The following OR6B1 variants were observed in gnomAD, a reference collection of about 807,000 sequenced individuals.
OR6B1 encodes the protein olfactory receptor family 6 subfamily B member 1.
OR6B1 carries 15 observed loss-of-function variants against 15.4 expected under a neutral mutation model. The ratio of observed to expected loss-of-function variants is 0.97; its 90% CI spans 0.65 to 1.50. The LOEUF (loss-of-function observed/expected upper bound fraction) is 1.50. Ranked by LOEUF, OR6B1 falls within the 40% of genes most tolerant of loss-of-function variation. The pLI, the probability that OR6B1 is intolerant of heterozygous loss-of-function variation, is 0.00. For missense variants in OR6B1, 384 were observed against 385.0 expected (o/e 1.00, Z 0.02); for synonymous variants, 139 against 144.9 (o/e 0.96, Z 0.29).
chr7:144,001,426 C>A (rs571790262), intron 1 of OR6B1, among the ~76,000 whole-genome samples: 12 of 152,234 alleles, frequency 7.9e-5, no homozygotes, highest in South Asian at 2.1e-4. Context: ...GTTTCTTTGA[C>A]AAATGTTATA....
Position 144,004,531 on chromosome 7 carries a change from T to A in OR6B1, c.535T>A (p.Cys179Ser). ...TCCCAATGTCATCAACCACTTCTTCTGTGACATCTCTCCAGTACTTAATCT... is the reference window on the plus strand; with the variant it reads ...TCCCAATGTCATCAACCACTTCTTCAGTGACATCTCTCCAGTACTTAATCT... Reference protein sequence around the residue: ...CGPNVINHFFCDISPVLNLSC... With the variant: ...CGPNVINHFFSDISPVLNLSC... Residue 179 changes from cysteine to serine, a missense_variant, in exon 2 of 2, where the codon TGT becomes AGT. Physicochemically the swap from Cys to Ser is moderately radical, Grantham distance 112. Coordinates refer to ENST00000641698, the MANE Select transcript of OR6B1 (RefSeq NM_001005281.3). The A allele has an allele frequency of 6.2e-7, 1 of 1,614,224 alleles. No homozygotes were observed. The highest frequency in any genetic ancestry group is 8.5e-7 in the Non-Finnish European group (1 of 1,180,036).
chr7:144,004,975 G>C lies in OR6B1; in HGVS notation c.*43G>C, dbSNP rs373649686. ...GAAAGAAAGGTCTGAGTGGGTGCCTGTATGTCTTCCTCCATCCTTTCTCCT... is the reference window on the plus strand; with the variant it reads ...GAAAGAAAGGTCTGAGTGGGTGCCTCTATGTCTTCCTCCATCCTTTCTCCT... On this transcript the variant is annotated 3_prime_UTR_variant, in exon 2 of 2. Transcript: ENST00000641698. 2.9e-4 allele frequency: 398 copies of C among 1,393,892 alleles called. No individual in the cohort carries two copies. Among genetic ancestry groups the C allele is most frequent in the Non-Finnish European group, 3.5e-4 (358 of 1,027,078 alleles). 86.3% of individuals were successfully genotyped at this position (1,393,892 alleles called of 1,614,324 possible).
intron 1 of OR6B1, among the ~76,000 whole-genome samples, chr7:144,001,708 ATC>A (rs770544405): frequency 2.0e-5 from 3 of 151,920 alleles, no homozygotes; most frequent in Non-Finnish European, 4.4e-5. Context: ...CTTTCCATCC[ATC>A]TCTTTTCTGC....
chr7:144,002,693 A>G (rs2050592308), intron 1 of OR6B1, among the ~76,000 whole-genome samples: 1 of 152,160 alleles, frequency 6.6e-6, no homozygotes, highest in Non-Finnish European at 1.5e-5. Context: ...TGCGTAAATC[A>G]TATCATGTCC....
At chr7:144,002,618 T>A (rs1289349652) in intron 1 of OR6B1, among the ~76,000 whole-genome samples, 1 of 152,226 alleles carries the variant, frequency 6.6e-6, no homozygotes, top group Non-Finnish European at 1.5e-5. Flanking sequence ...ACTAGTTTCA[T>A]AGCTCACAGC....
chr7:144,008,222 G>A lies in OR6B1; in HGVS notation c.*3290G>A, dbSNP rs1447691633. 2.6e-5 allele frequency: 4 copies of A among 152,214 alleles called. No individual in the cohort carries two copies. Among genetic ancestry groups the A allele is most frequent in the Non-Finnish European group, 5.9e-5 (4 of 68,038 alleles). 9.4% of individuals were successfully genotyped at this position (152,214 alleles called of 1,614,324 possible). Reference sequence around the variant, plus strand: ...AATAAGTGCTATGGATGGGGAGGAAGAAAGCATGAAAGTATAATAGGAAGT... The same window carrying A: ...AATAAGTGCTATGGATGGGGAGGAAAAAAGCATGAAAGTATAATAGGAAGT... On this transcript the variant is annotated 3_prime_UTR_variant, in exon 2 of 2. Coordinates refer to ENST00000641698, the MANE Select transcript of OR6B1 (RefSeq NM_001005281.3).
At position 144,006,651 on chromosome 7, in the gene OR6B1, T is replaced by C. The variant is rs944347785; in HGVS notation, c.*1719T>C. On this transcript the variant is annotated 3_prime_UTR_variant, in exon 2 of 2. Coordinates refer to ENST00000641698, the MANE Select transcript of OR6B1 (RefSeq NM_001005281.3). ...TCAAATGAATCAAAATATAATTGCA[T>C]AGTCATATAGGGATATTAAATGTGT... 17 of 152,156 alleles carry C rather than the reference T, an allele frequency of 1.1e-4. No homozygotes were observed. Among genetic ancestry groups the C allele is most frequent in the African/African-American group, 4.1e-4 (17 of 41,422 alleles). The allele number at this position is 152,156 out of a possible 1,614,324, so 9.4% of individuals were successfully genotyped here.
At chr7:144,000,821 T>G (rs2050581097) in intron 1 of OR6B1, among the ~76,000 whole-genome samples, 171 bp downstream of exon 1, 1 of 152,246 alleles carries the variant, frequency 6.6e-6, no homozygotes, top group African/African-American at 2.4e-5. Context: ...GAAATCTAAG[T>G]GCAGCCAGTT....
chr7:144,001,202 T>A (rs956600090), intron 1 of OR6B1, among the ~76,000 whole-genome samples: 1 of 152,236 alleles, frequency 6.6e-6, no homozygotes, highest in Non-Finnish European at 1.5e-5. Context: ...TGTTTGAGTA[T>A]GCTTAATGGA....
At position 144,004,942 on chromosome 7, in the gene OR6B1, G is replaced by C. The variant is rs370924723; in HGVS notation, c.*10G>C. On this transcript the variant is annotated 3_prime_UTR_variant, in exon 2 of 2. Transcript: ENST00000641698. ...CAGCAGATCTGACTAGTCAATTACA[G>C]CTGATTAGAAAGAAAGGTCTGAGTG... is the stretch of plus-strand genomic sequence containing the variant. 3 of 1,569,598 alleles carry C rather than the reference G, an allele frequency of 1.9e-6. No individual in the cohort carries two copies. Among genetic ancestry groups the C allele is most frequent in the Non-Finnish European group, 2.6e-6 (3 of 1,164,956 alleles).
In OR6B1 at chr7:144,004,216, A is replaced by C. The variant is rs747239491; in HGVS notation, c.220A>C (p.Ile74Leu). ...CCTGTCCTTCTTGGAGACCTGGTAC[A>C]TCTCTGTGACTGTGCCCAAGTTACT... Reference protein sequence around the residue: ...ANLSFLETWYISVTVPKLLFS... With the variant: ...ANLSFLETWYLSVTVPKLLFS... The change falls in exon 2 of 2, where the codon ATC (isoleucine) becomes CTC (leucine). Residue 74 changes from isoleucine to leucine, a missense_variant. Physicochemically the swap from Ile to Leu is conservative, Grantham distance 5 (BLOSUM62 2). Transcript: ENST00000641698. The C allele has an allele frequency of 7.4e-6, 12 of 1,614,078 alleles. No homozygotes were observed. Among genetic ancestry groups the C allele is most frequent in the South Asian group, 1.1e-5 (1 of 91,078 alleles).
rs993198201 is a variant in OR6B1, at chr7:144,006,430, A to C, written c.*1498A>C. ...GTGAATTATAGGTCCCAGAGGAAAA[A>C]AGAAACAAAAATAAAATGCAAGCAC... On this transcript the variant is annotated 3_prime_UTR_variant, in exon 2 of 2. Coordinates refer to ENST00000641698, the MANE Select transcript of OR6B1 (RefSeq NM_001005281.3). The C allele has an allele frequency of 5.9e-5, 9 of 152,230 alleles. No homozygotes were observed. Among genetic ancestry groups the C allele is most frequent in the African/African-American group, 2.2e-4 (9 of 41,452 alleles). The allele number at this position is 152,230 out of a possible 1,614,324, so 9.4% of individuals were successfully genotyped here. A position where few individuals can be genotyped will look rare whatever the true frequency, so the allele number is the denominator to read the frequency against.
chr7:144,004,816 A>G lies in OR6B1; in HGVS notation c.820A>G (p.Ile274Val). The G allele has an allele frequency of 6.2e-7, 1 of 1,613,818 alleles. No individual in the cohort carries two copies. Reference protein sequence around the residue: ...HAFNMNKIISIFYAIVTPSLN... With the variant: ...HAFNMNKIISVFYAIVTPSLN... Reference sequence around the variant, plus strand: ...CTTCAACATGAACAAAATTATTTCCATCTTCTATGCCATTGTCACTCCTTC... The same window carrying G: ...CTTCAACATGAACAAAATTATTTCCGTCTTCTATGCCATTGTCACTCCTTC... Residue 274 changes from isoleucine (I) to valine (V), a missense_variant, in exon 2 of 2, where the codon ATC (isoleucine) becomes GTC (valine). Transcript: ENST00000641698.
chr7:144,000,749 G>A (rs1586857789), intron 1 of OR6B1, 99 bp downstream of exon 1: 1 of 152,562 alleles, frequency 6.6e-6, no homozygotes, highest in Admixed American at 6.6e-5. Flanking sequence ...AATGTTTAAT[G>A]CCTCTCTGTT....
rs750435436 is a variant in OR6B1, at chr7:144,004,623, C to T, written c.627C>T (p.Phe209=). Residue 209 remains phenylalanine, a synonymous_variant, in exon 2 of 2, where the codon TTC becomes TTT. Transcript: ENST00000641698. ...TCCTGGCACTGGTCATCTTCCTATT[C>T]CCACTCTTTATTACTGTCCTGTCCT... ...DFILALVIFL[F]PLFITVLSYG... The T allele has an allele frequency of 2.5e-6, 4 of 1,614,214 alleles. No individual in the cohort carries two copies. The highest frequency in any genetic ancestry group is 1.6e-4 in the Middle Eastern group (1 of 6,062).
rs2116979480 is a variant in OR6B1 at position 144,008,339 on chromosome 7, A to G, written c.*3407A>G. 6.6e-6 allele frequency: 1 copy of G among 152,400 alleles called. No individual in the cohort carries two copies. The highest frequency in any genetic ancestry group is 1.9e-4 in the East Asian group (1 of 5,188). 9.4% of individuals were successfully genotyped at this position (152,400 alleles called of 1,614,324 possible). A position where few individuals can be genotyped will look rare whatever the true frequency, so the allele number is the denominator to read the frequency against. ...AGCAAAAACCTGGAGAAGCTGTGAG[A>G]GTAAGATATATGGCTACTTTGGCAA... On this transcript the variant is annotated 3_prime_UTR_variant, in exon 2 of 2. Transcript: ENST00000641698.
Position 144,004,620 on chromosome 7 carries a change from A to G in OR6B1, c.624A>G (p.Leu208=), listed in dbSNP as rs1467424555. The stretch of plus-strand genomic sequence containing the variant: ...TTATCCTGGCACTGGTCATCTTCCT[A>G]TTCCCACTCTTTATTACTGTCCTGT... ...VDFILALVIF[L]FPLFITVLSY... Residue 208 remains leucine (L), a synonymous_variant, in exon 2 of 2, where the codon CTA becomes CTG. Transcript: ENST00000641698. 6.2e-7 allele frequency: 1 copy of G among 1,614,088 alleles called. No homozygotes were observed. The highest frequency in any genetic ancestry group is 1.3e-5 in the African/African-American group (1 of 75,010).
In OR6B1 at chr7:144,004,652, G is replaced by A. The variant is rs1217664623; in HGVS notation, c.656G>A (p.Gly219Glu). 1.2e-6 allele frequency: 2 copies of A among 1,614,164 alleles called. No homozygotes were observed. The highest frequency in any genetic ancestry group is 3.3e-5 in the Admixed American group (2 of 60,022). The change falls in exon 2 of 2, where the codon GGA (glycine) becomes GAA (glutamate). Residue 219 changes from glycine to glutamate, a missense_variant. Transcript: ENST00000641698. Reference protein sequence around the residue: ...FPLFITVLSYGCILATILCMP... With the variant: ...FPLFITVLSYECILATILCMP... ...CTCTTTATTACTGTCCTGTCCTACGGATGCATTCTGGCCACCATATTATGC... is the reference window on the plus strand; with the variant it reads ...CTCTTTATTACTGTCCTGTCCTACGAATGCATTCTGGCCACCATATTATGC...
Position 144,004,122 on chromosome 7 carries a change from C to G in OR6B1, c.126C>G (p.Asn42Lys), listed in dbSNP as rs199607903. The G allele has an allele frequency of 1.9e-6, 3 of 1,614,110 alleles. No individual in the cohort carries two copies. The South Asian group carries it at 3.3e-5, about 18-fold the overall frequency. ...LVAYILTVAENVIIILLVLQN... is the reference protein window; with the variant it reads ...LVAYILTVAEKVIIILLVLQN... ...CCTATATTCTGACAGTGGCTGAAAA[C>G]GTGATCATCATCCTATTGGTGCTGC... Residue 42 changes from asparagine (N) to lysine (K), a missense_variant, in exon 2 of 2, where the codon AAC becomes AAG. Coordinates refer to ENST00000641698, the MANE Select transcript of OR6B1 (RefSeq NM_001005281.3).
Sources: gnomAD v4.1 joint callset for allele counts (sites outside exome capture counted in the v4.1 genomes callset) on GRCh38, gnomAD v4.1.1 for gene constraint, MANE v1.5 for transcripts, NCBI Gene and HGNC (gene_info 2026-07-23, HGNC 2026-07-21) for gene names.